PI4KA: variants seen among roughly 807,000 people sequenced by gnomAD.
PI4KA encodes PI4-kinase alpha.
PI4KA carries 122 observed loss-of-function variants against 271.4 expected under a neutral mutation model. The ratio of observed to expected loss-of-function variants is 0.45; its 90% confidence interval spans 0.39 to 0.52. PI4KA has a LOEUF of 0.52. PI4KA is among the 20% of genes least tolerant of loss of function. The pLI is 0.00. For missense variants in PI4KA, 1,969 were observed against 2,769.1 expected, an observed-to-expected ratio of 0.71 and a Z score of 6.48; for synonymous variants, 1,041 against 1,078.8, an observed-to-expected ratio of 0.96 and a Z score of 0.69.
In PI4KA at chr22:20,770,579, GACACACACACACACAC is replaced by G. The variant is rs528696021; in HGVS notation, c.2329-4902_2329-4887del. On this transcript the variant is annotated intron_variant, in intron 19 of 54. Transcript: ENST00000255882. Reference sequence around the variant, plus strand: ...TGCTATGTTGCCCAAGCTGGACACGGACACACACACACACACACACACACACACACACACACACACA... The same window carrying G: ...TGCTATGTTGCCCAAGCTGGACACGGACACACACACACACACACACACACA... 1.7e-3 allele frequency among the ~76,000 whole-genome samples: 167 copies of G among 96,062 alleles called. 5 individuals are homozygous for G. Among genetic ancestry groups the G allele is most frequent in the South Asian group, 8.7e-3 (20 of 2,306 alleles). The allele number at this position is 96,062 out of a possible 152,430, so 63.0% of individuals were successfully genotyped here. A position where few individuals can be genotyped will look rare whatever the true frequency, so the allele number is the denominator to read the frequency against.
chr22:20,858,473 C>A, intron 1 of PI4KA, 97 bp downstream of exon 1: 3 of 919,224 alleles, frequency 3.3e-6, no homozygotes, highest in Non-Finnish European at 4.3e-6. Flanking sequence ...TGCCGGCGAG[C>A]CCAGCCTCGG....
At chr22:20,827,031 G>A (rs574418178) in intron 3 of PI4KA, among the ~76,000 whole-genome samples, 47 of 152,210 alleles carry the variant, frequency 3.1e-4, no homozygotes, top group Non-Finnish European at 1.6e-4. Context: ...CTGTGCAGAA[G>A]CTCTTTAGTT....
Position 20,850,769 on chromosome 22 carries a change from A to G in PI4KA, c.156+7801T>C, listed in dbSNP as rs187250117. 3.2e-4 allele frequency among the ~76,000 whole-genome samples: 48 copies of G among 152,200 alleles called. No homozygotes were observed. The East Asian group carries it at 8.7e-3, about 28-fold the overall frequency. On this transcript the variant is annotated intron_variant, in intron 1 of 54. Transcript: ENST00000255882. ...ATTTTTTAAAATTTTCGCTGGGTAC[A>G]GTGACTCAAGCCTATAATCTCAGCA...
In PI4KA at chr22:20,730,144, T is replaced by C. The variant is rs1003396025; in HGVS notation, c.4289-133A>G. 5 of 936,056 alleles carry C rather than the reference T, an allele frequency of 5.3e-6. No homozygotes were observed. The Admixed American group carries it at 1.4e-4, about 25-fold the overall frequency. The allele number at this position is 936,056 out of a possible 1,614,324, so 58.0% of individuals were successfully genotyped here. A position where few individuals can be genotyped will look rare whatever the true frequency, so the allele number is the denominator to read the frequency against. On this transcript the variant is annotated intron_variant, in intron 36 of 54. Coordinates refer to ENST00000255882, the MANE Select transcript of PI4KA (RefSeq NM_058004.4). ...CATTTTCTGGAGTCCTGGAATCGAC[T>C]GCAGGAACAAATCTGTCTGGATGGT...
chr22:20,853,945 T>C (rs1372827955), intron 1 of PI4KA, among the ~76,000 whole-genome samples: 1 of 147,442 alleles, frequency 6.8e-6, no homozygotes. Context: ...ATGGGATTTA[T>C]GGTATTTCAT....
intron 1 of PI4KA, among the ~76,000 whole-genome samples, chr22:20,846,263 C>CAAAAAAAAAAAAA (rs361641): frequency 2.4e-4 from 20 of 81,980 alleles, no homozygotes; most frequent in Middle Eastern, 8.2e-3. Flanking sequence ...GACTCTATCT[C>CAAAAAAAAAAAAA]AAAAAAAAAA....
At chr22:20,793,162 A>C (rs780279022) in intron 19 of PI4KA, 31 bp downstream of exon 19, 1 of 1,295,594 alleles carries the variant, frequency 7.7e-7, no homozygotes, top group Non-Finnish European at 1.1e-6. Context: ...CAGTATCTGC[A>C]GTTTTTATCA....
intron 40 of PI4KA, 102 bp from the exon 41 acceptor site, chr22:20,727,499 T>C: frequency 5.3e-6 from 6 of 1,134,748 alleles, no homozygotes; most frequent in Non-Finnish European, 7.4e-6. Context: ...AAGTGATGTT[T>C]CTAAGCATCG....
chr22:20,786,754 T>G, intron 19 of PI4KA: 1 of 1,017,372 alleles, frequency 9.8e-7, no homozygotes, highest in Non-Finnish European at 1.5e-6. Context: ...TCTGACCAGC[T>G]GTGATTTCCA....
In PI4KA at chr22:20,858,738, C is replaced by T. The variant is rs1486135324; in HGVS notation, c.-13G>A. The T allele has an allele frequency of 3.6e-6, 5 of 1,380,568 alleles. No individual in the cohort carries two copies. Among genetic ancestry groups the T allele is most frequent in the Admixed American group, 3.0e-5 (1 of 32,984 alleles). 85.5% of individuals were successfully genotyped at this position (1,380,568 alleles called of 1,614,324 possible). A position where few individuals can be genotyped will look rare whatever the true frequency, so the allele number is the denominator to read the frequency against. ...GGGCCGCCGCCATCACCTCACGAGC[C>T]GCGGCGCTGCCCGCCGGCTCCCCGC... On this transcript the variant is annotated 5_prime_UTR_variant, in exon 1 of 55. Transcript: ENST00000255882.
Position 20,742,345 on chromosome 22 carries a change from C to T in PI4KA, c.3624G>A (p.Pro1208=), listed in dbSNP as rs1352568829. 1.5e-5 allele frequency: 24 copies of T among 1,613,804 alleles called. No homozygotes were observed. The East Asian group carries it at 3.3e-4, about 22-fold the overall frequency. The stretch of plus-strand genomic sequence containing the variant: ...CCCAGCACAGATGATGAAGGAGCTG[C>T]GGGTCACAATCTGGAACCAAACACA... ...AMLISSKDCD[P]QLLHHLCWGP... The change falls in exon 32 of 55, where the codon CCG becomes CCA. Residue 1208 remains proline (P), a synonymous_variant. Coordinates refer to ENST00000255882, the MANE Select transcript of PI4KA (RefSeq NM_058004.4).
intron 22 of PI4KA, among the ~76,000 whole-genome samples, chr22:20,763,017 T>TTG (rs1555888535): frequency 1.3e-4 from 7 of 52,218 alleles, no homozygotes; most frequent in East Asian, 5.5e-4. Context: ...CTTTTTTTTT[T>TTG]GGGGGGGGGG....
intron 19 of PI4KA, among the ~76,000 whole-genome samples, chr22:20,776,836 A>G (rs1000363942): frequency 2.6e-5 from 4 of 152,182 alleles, no homozygotes; most frequent in Admixed American, 2.0e-4. Context: ...CATTATCAAC[A>G]TTAACCACAC....
At position 20,719,758 on chromosome 22, in the gene PI4KA, G is replaced by A. The variant is rs183700610; in HGVS notation, c.5117-936C>T. Among the ~76,000 whole-genome samples the A allele has an allele frequency of 7.2e-5, 11 of 152,240 alleles. No individual in the cohort carries two copies. The East Asian group carries it at 1.9e-3, about 27-fold the overall frequency. Reference sequence around the variant, plus strand: ...AAACTCTTTCTGGGCCGGGCGTGGTGGCTCATGCCTGTAATCTCAGCACTT... The same window carrying A: ...AAACTCTTTCTGGGCCGGGCGTGGTAGCTCATGCCTGTAATCTCAGCACTT... On this transcript the variant is annotated intron_variant, in intron 43 of 54. Transcript: ENST00000255882.
At chr22:20,742,049 A>G (rs1929520558) in intron 32 of PI4KA, among the ~76,000 whole-genome samples, 179 bp downstream of exon 32, 1 of 152,224 alleles carries the variant, frequency 6.6e-6, no homozygotes, top group Non-Finnish European at 1.5e-5. Context: ...TGCTGTTAAC[A>G]TATATTCTAT....
chr22:20,763,437 T>C (rs926078370), intron 22 of PI4KA, among the ~76,000 whole-genome samples: 3 of 147,984 alleles, frequency 2.0e-5, no homozygotes, highest in African/African-American at 7.5e-5. Flanking sequence ...TGCAATGTTC[T>C]TTTTTTCTTT....
intron 9 of PI4KA, among the ~76,000 whole-genome samples, chr22:20,810,244 C>T (rs1935915681): frequency 6.6e-6 from 1 of 152,106 alleles, no homozygotes; most frequent in African/African-American, 2.4e-5. Context: ...TGGTGGCTCA[C>T]GCCTGTAATC....
intron 19 of PI4KA, chr22:20,780,117 C>A: frequency 6.2e-7 from 1 of 1,614,182 alleles, no homozygotes; most frequent in East Asian, 2.2e-5. Flanking sequence ...CATCATGAAG[C>A]TCACCAAGGG....
At chr22:20,826,452 T>G (rs545489585) in intron 3 of PI4KA, among the ~76,000 whole-genome samples, 100 of 152,238 alleles carry the variant, frequency 6.6e-4, no homozygotes, top group African/African-American at 2.2e-3. Flanking sequence ...AGTCTTCCAC[T>G]GATGGGCATT....
Sources: allele counts gnomAD v4.1 joint callset (sites outside exome capture counted in the v4.1 genomes callset), GRCh38; gene constraint gnomAD v4.1.1; transcripts MANE v1.5; gene names NCBI Gene and HGNC (gene_info 2026-07-23, HGNC 2026-07-21).